ATP2B2: variants seen among roughly 807,000 people sequenced by gnomAD.
The protein encoded by ATP2B2 is ATPase plasma membrane Ca2+ transporting 2.
In ATP2B2, 15 loss-of-function variants were observed where a neutral mutation model predicts 120.0. The ratio of observed to expected loss-of-function variants is 0.12; its 90% CI spans 0.08 to 0.19. The LOEUF (loss-of-function observed/expected upper bound fraction) is 0.19. ATP2B2 is among the 10% of genes least tolerant of loss of function. The probability of loss-of-function intolerance (pLI) is 1.00; values close to 1 mark genes in which losing one functional copy is unlikely to be tolerated. For synonymous variants in ATP2B2, 694 were observed against 700.3 expected (o/e 0.99, Z 0.14); for missense variants, 1,045 against 1,719.8 (o/e 0.61, Z 6.94).
intron 2 of ATP2B2, among the ~76,000 whole-genome samples, chr3:10,609,859 G>T (rs1196749540): frequency 6.6e-6 from 1 of 152,000 alleles, no homozygotes; most frequent in Admixed American, 6.5e-5. Context: ...TGTTTGGCCT[G>T]GCACTGAGTG....
At chr3:10,485,996 GGTAA>G (rs2065635832) in intron 1 of ATP2B2, among the ~76,000 whole-genome samples, 2 of 152,270 alleles carry the variant, frequency 1.3e-5, no homozygotes, top group African/African-American at 4.8e-5. Flanking sequence ...GCCGAGGGGT[GGTAA>G]GTGAGGACAG....
chr3:10,392,380 C>A (rs2061881613), intron 5 of ATP2B2, among the ~76,000 whole-genome samples: 1 of 151,398 alleles, frequency 6.6e-6, no homozygotes, highest in South Asian at 2.1e-4. Context: ...CTCTCCCAGG[C>A]CCTCCTGCCA....
At chr3:10,678,937 A>G (rs889002299) in intron 1 of ATP2B2, among the ~76,000 whole-genome samples, 3 of 152,176 alleles carry the variant, frequency 2.0e-5, no homozygotes, top group Non-Finnish European at 2.9e-5. Context: ...AAAGTTTCCA[A>G]TCAGTTGACT....
intron 1 of ATP2B2, among the ~76,000 whole-genome samples, chr3:10,467,040 C>A (rs2064774552): frequency 6.6e-6 from 1 of 152,204 alleles, no homozygotes; most frequent in South Asian, 2.1e-4. Flanking sequence ...AGTTTCCCCA[C>A]CTGAAAACTA....
At chr3:10,354,468 C>T (rs1348321573) in intron 14 of ATP2B2, among the ~76,000 whole-genome samples, 3 of 152,200 alleles carry the variant, frequency 2.0e-5, no homozygotes, top group Admixed American at 1.3e-4. Flanking sequence ...TTCCTGTTTT[C>T]ATTAAATAAA....
At chr3:10,393,918 A>G (rs1341250354) in intron 5 of ATP2B2, among the ~76,000 whole-genome samples, 1 of 152,092 alleles carries the variant, frequency 6.6e-6, no homozygotes, top group Non-Finnish European at 1.5e-5. Flanking sequence ...GCTGGTCTAG[A>G]TGGTGGCAGT....
upstream of ATP2B2, among the ~76,000 whole-genome samples, chr3:10,508,584 G>T (rs1261440177): frequency 1.3e-5 from 2 of 152,198 alleles, no homozygotes; most frequent in African/African-American, 4.8e-5. Context: ...AAAAGATCAG[G>T]GCTTGCCTAA....
intron 2 of ATP2B2, among the ~76,000 whole-genome samples, chr3:10,556,748 T>G (rs546807054): frequency 6.6e-6 from 1 of 152,342 alleles, no homozygotes; most frequent in South Asian, 2.1e-4. Flanking sequence ...TTATTAAACT[T>G]TAATTACTCC....
chr3:10,402,208 G>A lies in ATP2B2; in HGVS notation c.538C>T (p.Arg180Trp), dbSNP rs2124971839. ...TGCTCGATGCGGCTCTGCAGGCCCC[G>A]GAACTGTTTCTCTTTGCTCCAGTCA... ...FNDWSKEKQFRGLQSRIEQEQ... is the reference protein window; with the variant it reads ...FNDWSKEKQFWGLQSRIEQEQ... The change falls in exon 4 of 23, where the codon CGG (arginine) becomes TGG (tryptophan). Residue 180 changes from arginine (R) to tryptophan (W), a missense_variant. Coordinates refer to ENST00000360273, the MANE Select transcript of ATP2B2 (RefSeq NM_001001331.4). This position sits in a 1 kb window ranked among gnomAD's most constrained non-coding sequence, Gnocchi z 4.9. The A allele has an allele frequency of 1.2e-6, 2 of 1,614,174 alleles. No individual in the cohort carries two copies. Among genetic ancestry groups the A allele is most frequent in the Non-Finnish European group, 1.7e-6 (2 of 1,180,026 alleles).
chr3:10,414,244 T>C (rs954661040), intron 2 of ATP2B2, among the ~76,000 whole-genome samples: 5 of 152,174 alleles, frequency 3.3e-5, no homozygotes, highest in Non-Finnish European at 1.5e-5. Flanking sequence ...AGTTCTGCGA[T>C]TCAGAAGTTC....
chr3:10,542,644 A>G (rs2067464481), intron 2 of ATP2B2, among the ~76,000 whole-genome samples: 1 of 152,190 alleles, frequency 6.6e-6, no homozygotes, highest in African/African-American at 2.4e-5. Flanking sequence ...CTATTCTTTC[A>G]GCATTTGAGA....
intron 2 of ATP2B2, among the ~76,000 whole-genome samples, chr3:10,443,147 G>A (rs2063725007): frequency 6.6e-6 from 1 of 152,174 alleles, no homozygotes; most frequent in South Asian, 2.1e-4. Context: ...TATTTCAGGT[G>A]GTTCTGAATC....
intron 3 of ATP2B2, among the ~76,000 whole-genome samples, chr3:10,519,183 C>G (rs2066933638): frequency 6.6e-6 from 1 of 152,208 alleles, no homozygotes; most frequent in African/African-American, 2.4e-5. Context: ...AAACCAGACT[C>G]CAGAATCTGT....
At chr3:10,688,537 T>C (rs2125710905) in intron 1 of ATP2B2, among the ~76,000 whole-genome samples, 1 of 152,294 alleles carries the variant, frequency 6.6e-6, no homozygotes, top group Non-Finnish European at 1.5e-5. Context: ...AACTCCATTT[T>C]AGTTATAGAT....
Position 10,511,286 on chromosome 3 carries a change from C to T in ATP2B2, c.-320+22753G>A, listed in dbSNP as rs568132717. Among the ~76,000 whole-genome samples the T allele has an allele frequency of 7.9e-5, 12 of 152,226 alleles. No individual in the cohort carries two copies. The East Asian group carries it at 2.1e-3, about 27-fold the overall frequency. Reference sequence around the variant, plus strand: ...CCTCCGTCCCCCTTTTCCCCATGCCCCAAGAAGAGTTTTTTGCAATTAACC... The same window carrying T: ...CCTCCGTCCCCCTTTTCCCCATGCCTCAAGAAGAGTTTTTTGCAATTAACC... On this transcript the variant is annotated intron_variant, in intron 3 of 21. Transcript: ENST00000646379.
intron 1 of ATP2B2, among the ~76,000 whole-genome samples, chr3:10,676,745 G>C (rs1394713045): frequency 6.6e-6 from 1 of 152,164 alleles, no homozygotes; most frequent in African/African-American, 2.4e-5. Context: ...CTACTTATGA[G>C]GCAGTTCCCT....
chr3:10,515,993 C>T (rs1416648607), intron 3 of ATP2B2, among the ~76,000 whole-genome samples: 6 of 152,112 alleles, frequency 3.9e-5, no homozygotes, highest in Admixed American at 3.3e-4. Flanking sequence ...TTGTGAGAGC[C>T]GATTGTGTTG....
At chr3:10,630,414 C>T (rs933568894) in intron 1 of ATP2B2, among the ~76,000 whole-genome samples, 7 of 152,134 alleles carry the variant, frequency 4.6e-5, no homozygotes, top group Admixed American at 3.3e-4. Context: ...AGAACATGTA[C>T]ATGCGGTATT....
intron 1 of ATP2B2, among the ~76,000 whole-genome samples, chr3:10,460,364 T>C (rs769884419): frequency 6.6e-6 from 1 of 151,980 alleles, no homozygotes; most frequent in Non-Finnish European, 1.5e-5. Context: ...GAGGTGGAGG[T>C]GGGTGTTAAG....
Sources: gnomAD v4.1 joint callset for allele counts (sites outside exome capture counted in the v4.1 genomes callset) on GRCh38, gnomAD v4.1.1 for gene constraint, Gnocchi (gnomAD v3.1) non-coding constraint, MANE v1.5 for transcripts, NCBI Gene and HGNC (gene_info 2026-07-23, HGNC 2026-07-21) for gene names.